Variants in FSTL5 observed in about 807,000 individuals in gnomAD.
FSTL5 encodes follistatin-related protein 5.
In FSTL5, 62 loss-of-function variants were observed where a neutral mutation model predicts 89.1. The ratio of observed to expected loss-of-function variants is 0.70; its 90% CI spans 0.57 to 0.86. The LOEUF (loss-of-function observed/expected upper bound fraction) is 0.86, where lower values mean the gene tolerates loss of function less well. Ranked by LOEUF, FSTL5 falls within the 40% of genes least tolerant of loss-of-function variation. The probability of loss-of-function intolerance (pLI) is 0.00; values close to 1 mark genes in which losing one functional copy is unlikely to be tolerated. For missense variants in FSTL5, 1,057 were observed against 1,001.6 expected (o/e 1.06, Z -0.75); for synonymous variants, 383 against 346.2 (o/e 1.11, Z -1.18).
chr4:161,433,968 C>T (rs1489562963), intron 15 of FSTL5, among the ~76,000 whole-genome samples: 1 of 152,030 alleles, frequency 6.6e-6, no homozygotes, highest in African/African-American at 2.4e-5. Context: ...GTTTAAATCT[C>T]CAAACTACCT....
intron 6 of FSTL5, among the ~76,000 whole-genome samples, chr4:161,702,857 G>A (rs1738444676): frequency 6.6e-6 from 1 of 152,056 alleles, no homozygotes; most frequent in African/African-American, 2.4e-5. Context: ...GCTATGGATT[G>A]AATTGTGTCC....
intron 12 of FSTL5, among the ~76,000 whole-genome samples, chr4:161,491,957 A>C (rs1174059495): frequency 6.6e-6 from 1 of 152,128 alleles, no homozygotes. Flanking sequence ...GCACCCTTCA[A>C]ATGTGTTTTA....
At chr4:161,589,369 A>C (rs1287494256) in intron 7 of FSTL5, among the ~76,000 whole-genome samples, 4 of 151,956 alleles carry the variant, frequency 2.6e-5, no homozygotes, top group Non-Finnish European at 5.9e-5. Flanking sequence ...TTTTTAGTAG[A>C]AACAGGTTTT....
In FSTL5 at chr4:161,768,615, C is replaced by T. The variant is rs148307741; in HGVS notation, c.606+7263G>A. On this transcript the variant is annotated intron_variant, in intron 5 of 15. Transcript: ENST00000306100. ...TGTGTAATATGTAATGTAAACCCACCGTCTATCTCTCTTATACATCTTCAA... is the reference window on the plus strand; with the variant it reads ...TGTGTAATATGTAATGTAAACCCACTGTCTATCTCTCTTATACATCTTCAA... 5.1e-4 allele frequency among the ~76,000 whole-genome samples: 78 copies of T among 151,878 alleles called. 1 individual carries two copies. The highest frequency in any genetic ancestry group is 1.6e-3 in the African/African-American group (65 of 41,496).
chr4:161,978,481 T>C (rs1578912493), intron 3 of FSTL5, among the ~76,000 whole-genome samples: 1 of 152,160 alleles, frequency 6.6e-6, no homozygotes, highest in African/African-American at 2.4e-5. Flanking sequence ...GTTTTATTTA[T>C]TATTTTACAA....
intron 7 of FSTL5, among the ~76,000 whole-genome samples, chr4:161,605,864 T>C (rs1157218535): frequency 6.6e-6 from 1 of 151,194 alleles, no homozygotes; most frequent in Admixed American, 6.6e-5. Context: ...CTTCTATTTT[T>C]TTGACTATGT....
chr4:161,535,490 C>T (rs1016232531), intron 10 of FSTL5, among the ~76,000 whole-genome samples: 2 of 152,030 alleles, frequency 1.3e-5, no homozygotes, highest in Non-Finnish European at 2.9e-5. Flanking sequence ...TCCACGTCAT[C>T]ACTCTGATTT....
chr4:161,532,137 A>C (rs1454107885), intron 10 of FSTL5, among the ~76,000 whole-genome samples: 4 of 151,824 alleles, frequency 2.6e-5, no homozygotes. Flanking sequence ...CCCGGGAGGC[A>C]GAGCTTACAG....
chr4:161,677,183 T>G (rs1365567111), intron 6 of FSTL5, among the ~76,000 whole-genome samples: 1 of 149,434 alleles, frequency 6.7e-6, no homozygotes, highest in Non-Finnish European at 1.5e-5. Context: ...ACTACAGAAT[T>G]TTTTTTTTGA....
rs145303923 is a variant in FSTL5, at chr4:161,800,662, T to A, written c.410-24588A>T. 2.3e-3 allele frequency among the ~76,000 whole-genome samples: 347 copies of A among 151,698 alleles called. 1 individual carries two copies. The highest frequency in any genetic ancestry group is 5.5e-3 in the Admixed American group (84 of 15,194). ...TCATAAATTACCCCTTCTAAGTGAC[T>A]GAAACGTAATTGGAAATGTAGAAAT... On this transcript the variant is annotated intron_variant, in intron 4 of 15. Coordinates refer to ENST00000306100, the MANE Select transcript of FSTL5 (RefSeq NM_020116.5).
At chr4:161,698,747 G>A (rs1363565050) in intron 6 of FSTL5, among the ~76,000 whole-genome samples, 1 of 152,100 alleles carries the variant, frequency 6.6e-6, no homozygotes, top group Non-Finnish European at 1.5e-5. Flanking sequence ...GGCCAACGTG[G>A]TGAAACCCTG....
At chr4:161,941,041 G>A (rs77725236) in intron 3 of FSTL5, among the ~76,000 whole-genome samples, 4 of 151,724 alleles carry the variant, frequency 2.6e-5, no homozygotes, top group African/African-American at 4.8e-5. Context: ...GAAGCTGTAC[G>A]AAAAAGTGTT....
At chr4:162,052,724 T>C (rs1237165363) in intron 2 of FSTL5, among the ~76,000 whole-genome samples, 1 of 151,746 alleles carries the variant, frequency 6.6e-6, no homozygotes, top group Non-Finnish European at 1.5e-5. Flanking sequence ...CAAACGCGTG[T>C]GACAAAAACC....
chr4:161,953,467 T>C (rs1231097087), intron 3 of FSTL5, among the ~76,000 whole-genome samples: 1 of 151,680 alleles, frequency 6.6e-6, no homozygotes. Flanking sequence ...ATGCGCAAGA[T>C]ATTTGTTTCA....
At chr4:161,742,161 T>C (rs995010744) in intron 6 of FSTL5, among the ~76,000 whole-genome samples, 10 of 152,194 alleles carry the variant, frequency 6.6e-5, no homozygotes. Flanking sequence ...AATAAACTAC[T>C]AGTTATTTGA....
intron 2 of FSTL5, among the ~76,000 whole-genome samples, chr4:162,058,422 T>TC (rs1268588259): frequency 9.1e-6 from 1 of 110,142 alleles, no homozygotes; most frequent in East Asian, 2.8e-4. Context: ...AATAAATTCC[T>TC]CTTTTTTTTT....
intron 8 of FSTL5, among the ~76,000 whole-genome samples, chr4:161,572,710 A>G (rs1469064232): frequency 2.0e-5 from 3 of 152,202 alleles, no homozygotes; most frequent in Non-Finnish European, 4.4e-5. Context: ...TGGAGCAAGA[A>G]CATGGAATAG....
chr4:161,638,326 C>A (rs1245100679), intron 7 of FSTL5, among the ~76,000 whole-genome samples: 1 of 151,760 alleles, frequency 6.6e-6, no homozygotes, highest in Admixed American at 6.6e-5. Context: ...TATCCTGAGA[C>A]TTTGCTGAAG....
chr4:161,929,053 A>AT (rs1001387621), intron 3 of FSTL5, among the ~76,000 whole-genome samples: 2 of 151,268 alleles, frequency 1.3e-5, no homozygotes, highest in Non-Finnish European at 3.0e-5. Flanking sequence ...TTCAAGCTGA[A>AT]TTTTTTTTGA....
Sources: gnomAD v4.1 joint callset for allele counts (sites outside exome capture counted in the v4.1 genomes callset) on GRCh38, gnomAD v4.1.1 for gene constraint, MANE v1.5 for transcripts, NCBI Gene and HGNC (gene_info 2026-07-23, HGNC 2026-07-21) for gene names.